CLASP2: variants seen among roughly 807,000 people sequenced by gnomAD.
CLASP2 encodes the protein CLIP-associating protein 2.
Under a neutral mutation model 194.4 loss-of-function variants are expected in CLASP2, and 47 were observed. The observed-to-expected ratio is 0.24, with a 90% confidence interval of 0.19 to 0.31. CLASP2 has a LOEUF of 0.31. Among genes scored for constraint, CLASP2 ranks in the 10% least tolerant of loss-of-function variants. The pLI is 1.00. For synonymous variants in CLASP2, 619 were observed against 633.5 expected, an observed-to-expected ratio of 0.98 and a Z score of 0.34; for missense variants, 1,445 against 1,823.6, an observed-to-expected ratio of 0.79 and a Z score of 3.78.
At chr3:33,702,141 A>G (rs1235280479) in intron 1 of CLASP2, among the ~76,000 whole-genome samples, 1 of 152,198 alleles carries the variant, frequency 6.6e-6, no homozygotes, top group Admixed American at 6.5e-5. Context: ...GCCTATTCTA[A>G]AATTCATATG....
At chr3:33,583,979 A>G (rs190498469) in intron 22 of CLASP2, among the ~76,000 whole-genome samples, 112 of 152,274 alleles carry the variant, frequency 7.4e-4, no homozygotes, top group African/African-American at 2.6e-3. Flanking sequence ...TCAATCCTGA[A>G]GGCCGTACAA....
At chr3:33,619,760 ATTT>A in intron 11 of CLASP2, 22 bp from the exon 12 acceptor site, 2 of 1,548,426 alleles carry the variant, frequency 1.3e-6, no homozygotes. Context: ...GACAAAAAGT[ATTT>A]TTTAATAGTT....
chr3:33,546,181 T>C (rs571429968), intron 30 of CLASP2, among the ~76,000 whole-genome samples: 77 of 152,330 alleles, frequency 5.1e-4, no homozygotes, highest in African/African-American at 1.8e-3. Flanking sequence ...TCAGCTTTAT[T>C]TCCCCTGTAG....
At chr3:33,525,587 C>A (rs969296487) in intron 34 of CLASP2, among the ~76,000 whole-genome samples, 2 of 152,156 alleles carry the variant, frequency 1.3e-5, no homozygotes, top group Non-Finnish European at 2.9e-5. Flanking sequence ...TCCCACAGAT[C>A]TCTGCAACCC....
chr3:33,542,711 T>G (rs567501643), intron 32 of CLASP2, among the ~76,000 whole-genome samples: 1 of 151,280 alleles, frequency 6.6e-6, no homozygotes. Context: ...TATTTAACAC[T>G]CCCCTATTTG....
chr3:33,541,182 A>G (rs9815373), intron 32 of CLASP2, among the ~76,000 whole-genome samples: 4,406 of 152,320 alleles, frequency 0.029, 210 homozygotes, highest in African/African-American at 0.099. Context: ...TTATAAAGAC[A>G]CATGCACATG....
rs537523984 is a variant in CLASP2 at position 33,496,444 on chromosome 3, A to G, written c.*2187T>C. ...AGGGTGTATTGTATATAGTGATTTA[A>G]ATAATCAGCTTTCTTATAGTCTTAT... On this transcript the variant is annotated 3_prime_UTR_variant, in exon 39 of 39. Transcript: ENST00000682230. The G allele has an allele frequency of 1.2e-4, 18 of 152,322 alleles. 1 individual carries two copies. In the South Asian group the frequency reaches 1.7e-3, roughly 14 times the overall value. 9.4% of individuals were successfully genotyped at this position (152,322 alleles called of 1,614,324 possible).
chr3:33,685,719 A>AG (rs2090576084), intron 5 of CLASP2, among the ~76,000 whole-genome samples: 1 of 151,156 alleles, frequency 6.6e-6, no homozygotes, highest in South Asian at 2.1e-4. Flanking sequence ...AAAAGAACAA[A>AG]TATTCTATCA....
Position 33,602,996 on chromosome 3 carries a change from C to T in CLASP2, c.1880G>A (p.Arg627His), listed in dbSNP as rs943890442. The change falls in exon 18 of 39, where the codon CGC becomes CAC. Residue 627 changes from arginine to histidine, a missense_variant. By Grantham distance (29) the Arg-to-His change is conservative. Transcript: ENST00000682230. ...HAAGQSVRSG[R>H]LGAGALNAGS... is the part of the protein sequence containing the mutation. ...TGCATTCAGGGCACCTGCACCTAAG[C>T]GCCCGCTTCGCACAGACTGTCCAGC... 2.0e-5 allele frequency: 33 copies of T among 1,610,280 alleles called. No individual in the cohort carries two copies. The highest frequency in any genetic ancestry group is 4.4e-5 in the South Asian group (4 of 90,070).
At chr3:33,585,893 C>T (rs2067255056) in intron 21 of CLASP2, among the ~76,000 whole-genome samples, 1 of 152,030 alleles carries the variant, frequency 6.6e-6, no homozygotes, top group Admixed American at 6.5e-5. Flanking sequence ...AGTTTGCCTG[C>T]TGAGATTTCT....
intron 6 of CLASP2, among the ~76,000 whole-genome samples, chr3:33,679,023 G>A (rs750247635): frequency 6.6e-6 from 1 of 152,096 alleles, no homozygotes; most frequent in Non-Finnish European, 1.5e-5. Context: ...ACAAAACTAC[G>A]GGCAGTGTAG....
At chr3:33,686,714 T>C (rs1340221210) in intron 5 of CLASP2, among the ~76,000 whole-genome samples, 1 of 152,196 alleles carries the variant, frequency 6.6e-6, no homozygotes, top group African/African-American at 2.4e-5. Context: ...GCAGCCAATT[T>C]CAGCAATAAC....
chr3:33,575,005 A>G (rs1231185649), intron 24 of CLASP2, among the ~76,000 whole-genome samples: 1 of 152,128 alleles, frequency 6.6e-6, no homozygotes, highest in African/African-American at 2.4e-5. Flanking sequence ...GAAAAACCCA[A>G]TCAATTCGTA....
chr3:33,555,284 T>C (rs915235918), intron 29 of CLASP2, among the ~76,000 whole-genome samples: 2 of 151,916 alleles, frequency 1.3e-5, no homozygotes, highest in South Asian at 2.1e-4. Flanking sequence ...CCATCAGAAA[T>C]GTGCAGTAGA....
rs1362251018 is a variant in CLASP2, at chr3:33,676,684, A to G, written c.644+7675T>C. ...TAAAACACCAAAAACTATGGCAACA[A>G]AAGCCGAAATTGACAAATGGGATCT... On this transcript the variant is annotated intron_variant, in intron 6 of 38. Coordinates refer to ENST00000682230, the MANE Select transcript of CLASP2 (RefSeq NM_001365631.1). 1.1e-4 allele frequency among the ~76,000 whole-genome samples: 17 copies of G among 152,246 alleles called. 1 individual carries two copies. The highest frequency in any genetic ancestry group is 2.0e-4 in the Admixed American group (3 of 15,286).
At chr3:33,670,115 T>C (rs919631874) in intron 6 of CLASP2, among the ~76,000 whole-genome samples, 1 of 151,906 alleles carries the variant, frequency 6.6e-6, no homozygotes, top group Non-Finnish European at 1.5e-5. Context: ...CGCACACATA[T>C]ATATACACAC....
At chr3:33,554,094 G>T (rs990258896) in intron 29 of CLASP2, among the ~76,000 whole-genome samples, 1 of 152,080 alleles carries the variant, frequency 6.6e-6, no homozygotes, top group African/African-American at 2.4e-5. Flanking sequence ...CGGGCGTGGT[G>T]GTGGGCGCCT....
chr3:33,634,873 A>C (rs2079822005), intron 8 of CLASP2, among the ~76,000 whole-genome samples: 1 of 152,182 alleles, frequency 6.6e-6, no homozygotes, highest in African/African-American at 2.4e-5. Flanking sequence ...ACAAAAATCG[A>C]TTTCATTGCT....
chr3:33,544,386 G>C (rs2058829599), intron 31 of CLASP2, among the ~76,000 whole-genome samples: 1 of 152,106 alleles, frequency 6.6e-6, no homozygotes, highest in Non-Finnish European at 1.5e-5. Flanking sequence ...CATCTAAAGA[G>C]CATGTCCTGA....
Sources: gnomAD v4.1 joint callset for allele counts (sites outside exome capture counted in the v4.1 genomes callset) on GRCh38, gnomAD v4.1.1 for gene constraint, MANE v1.5 for transcripts, NCBI Gene and HGNC (gene_info 2026-07-23, HGNC 2026-07-21) for gene names.